Variants in INSYN2A observed in about 807,000 individuals in gnomAD.
The protein encoded by INSYN2A is inhibitory synaptic factor 2A.
Under a neutral mutation model 39.4 loss-of-function variants are expected in INSYN2A, and 17 were observed. The ratio of observed to expected loss-of-function variants is 0.43; its 90% confidence interval spans 0.30 to 0.65. INSYN2A has a LOEUF of 0.65. Among genes scored for constraint, INSYN2A ranks in the 30% least tolerant of loss-of-function variants. The probability of loss-of-function intolerance (pLI) is 0.14; values close to 1 mark genes in which losing one functional copy is unlikely to be tolerated. For synonymous variants in INSYN2A, 255 were observed against 265.7 expected (o/e 0.96, Z 0.39); for missense variants, 595 against 631.2 (o/e 0.94, Z 0.61).
At chr10:127,150,794 A>G (rs756736695) in intron 5 of INSYN2A, among the ~76,000 whole-genome samples, 2 of 152,250 alleles carry the variant, frequency 1.3e-5, no homozygotes, top group Non-Finnish European at 2.9e-5. Flanking sequence ...CAGGTCAAGT[A>G]TGGATTCAGA....
Position 127,135,801 on chromosome 10 carries a change from T to C in INSYN2A, c.*2036A>G, listed in dbSNP as rs2050641823. 6.6e-6 allele frequency: 1 copy of C among 152,646 alleles called. No homozygotes were observed. Among genetic ancestry groups the C allele is most frequent in the African/African-American group, 2.4e-5 (1 of 41,460 alleles). The allele number at this position is 152,646 out of a possible 1,614,324, so 9.5% of individuals were successfully genotyped here. On this transcript the variant is annotated 3_prime_UTR_variant, in exon 6 of 6. Coordinates refer to ENST00000522781, the MANE Select transcript of INSYN2A (RefSeq NM_001039762.3). The stretch of plus-strand genomic sequence containing the variant: ...TTTGTGTACTAGGATGTCCTCTTGT[T>C]TAGACAGATTTGTGTTACTAATTAG...
chr10:127,165,737 T>G (rs2133753992), intron 4 of INSYN2A, among the ~76,000 whole-genome samples: 1 of 152,214 alleles, frequency 6.6e-6, no homozygotes, highest in South Asian at 2.1e-4. Flanking sequence ...CCCAGGCAGG[T>G]TCCTCAAGGA....
In INSYN2A at chr10:127,136,589, C is replaced by T. The variant is rs945592628; in HGVS notation, c.*1248G>A. ...GGGATTTGATTTCTATAAAAAGATA[C>T]TTGCAAAGGTGCAAAGAAATGAGTG... On this transcript the variant is annotated 3_prime_UTR_variant, in exon 6 of 6. Coordinates refer to ENST00000522781, the MANE Select transcript of INSYN2A (RefSeq NM_001039762.3). 8 of 152,050 alleles carry T rather than the reference C, an allele frequency of 5.3e-5. No homozygotes were observed. Among genetic ancestry groups the T allele is most frequent in the African/African-American group, 1.9e-4 (8 of 41,238 alleles). 9.4% of individuals were successfully genotyped at this position (152,050 alleles called of 1,614,324 possible).
At chr10:127,195,129 G>C (rs548901752) in intron 1 of INSYN2A, among the ~76,000 whole-genome samples, 1 of 152,206 alleles carries the variant, frequency 6.6e-6, no homozygotes, top group Non-Finnish European at 1.5e-5. Context: ...AGAATGCTGA[G>C]GTCACAGGGA....
At chr10:127,185,111 T>G (rs2056107009) in intron 2 of INSYN2A, among the ~76,000 whole-genome samples, 1 of 152,212 alleles carries the variant, frequency 6.6e-6, no homozygotes, top group African/African-American at 2.4e-5. Context: ...GCCTGAAGGA[T>G]GCTCACTTTG....
intron 2 of INSYN2A, among the ~76,000 whole-genome samples, chr10:127,189,739 G>A (rs376670830): frequency 4.6e-5 from 7 of 152,152 alleles, no homozygotes; most frequent in East Asian, 3.9e-4. Flanking sequence ...CACACAGTAC[G>A]TTTGCACATG....
intron 2 of INSYN2A, among the ~76,000 whole-genome samples, chr10:127,189,315 G>T (rs955228882): frequency 1.3e-5 from 2 of 152,174 alleles, no homozygotes; most frequent in Non-Finnish European, 2.9e-5. Context: ...GGAGTGAGTT[G>T]GGGTCCAGTC....
At position 127,175,466 on chromosome 10, in the gene INSYN2A, C is replaced by T. The variant is rs373397161; in HGVS notation, c.930G>A (p.Pro310=). 18 of 1,610,226 alleles carry T rather than the reference C, an allele frequency of 1.1e-5. No homozygotes were observed. The highest frequency in any genetic ancestry group is 1.6e-4 in the Middle Eastern group (1 of 6,062). ...TACATTCGGGGGACAGGCACTGCAT[C>T]GGGGGTGAGCAGGCCAGGGCAGTTT... ...PSETALACSP[P]MQCLSPECSE... The change falls in exon 4 of 6, where the codon CCG becomes CCA. Residue 310 remains proline, a synonymous_variant. Coordinates refer to ENST00000522781, the MANE Select transcript of INSYN2A (RefSeq NM_001039762.3). This position sits in a 1 kb window ranked among gnomAD's most constrained non-coding sequence, Gnocchi z 6.3.
chr10:127,145,490 A>G (rs1460205301), intron 5 of INSYN2A, among the ~76,000 whole-genome samples: 1 of 152,050 alleles, frequency 6.6e-6, no homozygotes, highest in Non-Finnish European at 1.5e-5. Flanking sequence ...TTTGACAGAA[A>G]CTGTGTTATA....
rs1009616753 is a variant in INSYN2A at position 127,135,680 on chromosome 10, G to C, written c.*2157C>G. 3 of 152,518 alleles carry C rather than the reference G, an allele frequency of 2.0e-5. No homozygotes were observed. Among genetic ancestry groups the C allele is most frequent in the South Asian group, 2.1e-4 (1 of 4,816 alleles). The allele number at this position is 152,518 out of a possible 1,614,324, so 9.4% of individuals were successfully genotyped here. On this transcript the variant is annotated 3_prime_UTR_variant, in exon 6 of 6. Coordinates refer to ENST00000522781, the MANE Select transcript of INSYN2A (RefSeq NM_001039762.3). ...ATTTTGAACACACTTTAATTTTTAG[G>C]GATGAATTAATTTATCTTCAGAAGT...
chr10:127,147,615 C>T (rs1047847373), intron 5 of INSYN2A, among the ~76,000 whole-genome samples: 1 of 152,130 alleles, frequency 6.6e-6, no homozygotes. Context: ...CTCCCAGTCT[C>T]CCAGGGCCTG....
At chr10:127,139,443 C>T (rs2051013403) in intron 5 of INSYN2A, among the ~76,000 whole-genome samples, 1 of 152,038 alleles carries the variant, frequency 6.6e-6, no homozygotes, top group Non-Finnish European at 1.5e-5. Flanking sequence ...CTCCTGCTCC[C>T]AAAACAAGTT....
chr10:127,144,772 A>G (rs2486971), intron 5 of INSYN2A, among the ~76,000 whole-genome samples: 107,986 of 152,106 alleles, frequency 0.71, 42,928 homozygotes, highest in South Asian at 0.89. Flanking sequence ...GATTCACCGT[A>G]ACTTTGTATC....
At chr10:127,150,025 C>G (rs2052334638) in intron 5 of INSYN2A, among the ~76,000 whole-genome samples, 1 of 152,140 alleles carries the variant, frequency 6.6e-6, no homozygotes, top group African/African-American at 2.4e-5. Flanking sequence ...GATTCATATG[C>G]AGGAATTCAA....
Position 127,137,815 on chromosome 10 carries a change from G to T in INSYN2A, c.*22C>A, listed in dbSNP as rs1217694874. On this transcript the variant is annotated 3_prime_UTR_variant, in exon 6 of 6. Transcript: ENST00000522781. ...TCCAGTGGGTTCTAAAGACGGCCTCGAGACTCCAGACACCGTGAGTGTTAA... is the reference window on the plus strand; with the variant it reads ...TCCAGTGGGTTCTAAAGACGGCCTCTAGACTCCAGACACCGTGAGTGTTAA... 1 of 1,598,042 alleles carries T rather than the reference G, an allele frequency of 6.3e-7. No homozygotes were observed.
Position 127,146,401 on chromosome 10 carries a change from G to A in INSYN2A, c.1256+7451C>T, listed in dbSNP as rs544329790. On this transcript the variant is annotated intron_variant, in intron 5 of 5. Transcript: ENST00000522781. ...AGTAAAAATGACTAAACCTAAATCC[G>A]TACATATTCGAGGGACATAAATAAT... 9.5e-4 allele frequency among the ~76,000 whole-genome samples: 144 copies of A among 152,140 alleles called. 1 individual carries two copies. Among genetic ancestry groups the A allele is most frequent in the Admixed American group, 9.3e-3 (142 of 15,280 alleles).
At chr10:127,140,278 T>C (rs893976165) in intron 5 of INSYN2A, among the ~76,000 whole-genome samples, 13 of 152,186 alleles carry the variant, frequency 8.5e-5, no homozygotes, top group Non-Finnish European at 1.5e-4. Context: ...TCTGAGTTCT[T>C]GTTAACAAAA....
chr10:127,195,249 G>C (rs570177608), intron 1 of INSYN2A, among the ~76,000 whole-genome samples: 2 of 152,224 alleles, frequency 1.3e-5, no homozygotes, highest in South Asian at 2.1e-4. Flanking sequence ...CCCCGACCCC[G>C]GGCTGCCCGC....
chr10:127,145,899 C>T (rs770813048), intron 5 of INSYN2A: 11 of 467,206 alleles, frequency 2.4e-5, no homozygotes, highest in African/African-American at 1.2e-4. Flanking sequence ...CCGGTCTAAA[C>T]GTCAGCCTGT....
Sources: gnomAD v4.1 joint callset for allele counts (sites outside exome capture counted in the v4.1 genomes callset) on GRCh38, gnomAD v4.1.1 for gene constraint, Gnocchi (gnomAD v3.1) non-coding constraint, MANE v1.5 for transcripts, NCBI Gene and HGNC (gene_info 2026-07-23, HGNC 2026-07-21) for gene names.